The following ZNG1F variants were observed in gnomAD, a reference collection of about 807,000 sequenced individuals.
ZNG1F encodes the protein zinc-regulated GTPase metalloprotein activator 1F.
At chr9:41,131,608 G>A in the ZNG1F span, 2 of 59,552 alleles carry the variant, frequency 3.4e-5, no homozygotes, top group South Asian at 1.2e-4. Flanking sequence ...TATGTATGCT[G>A]TAAAACAAAT....
chr9:41,145,438 T>C, the ZNG1F span: 7 of 385,606 alleles, frequency 1.8e-5, no homozygotes, highest in Non-Finnish European at 3.3e-5. Flanking sequence ...TAACTGACTA[T>C]TCTAATATTC....
chr9:41,201,239 T>A, the ZNG1F span, among the ~76,000 whole-genome samples: 2 of 147,048 alleles, frequency 1.4e-5, no homozygotes, highest in African/African-American at 5.0e-5. Context: ...TATATTAATA[T>A]GTGCTCATAT....
chr9:41,199,912 G>C, the ZNG1F span, among the ~76,000 whole-genome samples: 1 of 144,458 alleles, frequency 6.9e-6, no homozygotes, highest in Admixed American at 7.0e-5. Context: ...TCATGGCTGG[G>C]ATGCAGGGTA....
the ZNG1F span, chr9:41,145,985 G>C: frequency 2.4e-5 from 3 of 126,266 alleles, no homozygotes; most frequent in Non-Finnish European, 5.1e-5. Context: ...GACAGGACGG[G>C]AGGGGGAAAG....
At chr9:41,201,391 G>A in the ZNG1F span, among the ~76,000 whole-genome samples, 5 of 137,860 alleles carry the variant, frequency 3.6e-5, no homozygotes, top group African/African-American at 1.3e-4. Flanking sequence ...TGGGGGAAGA[G>A]GAGCAATGTT....
chr9:41,194,035 C>T, the ZNG1F span, among the ~76,000 whole-genome samples: 21,282 of 134,774 alleles, frequency 0.16, 1,924 homozygotes, highest in Middle Eastern at 0.24. Flanking sequence ...GATGTCAATG[C>T]CTAAAGTTTT....
At chr9:41,183,218 A>T in the ZNG1F span, among the ~76,000 whole-genome samples, 12 of 142,846 alleles carry the variant, frequency 8.4e-5, no homozygotes, top group South Asian at 4.4e-4. Flanking sequence ...TTTGATAGTC[A>T]TTTTTTTTTT....
At chr9:41,174,265 G>GAAA in the ZNG1F span, 1 of 1,227,580 alleles carries the variant, frequency 8.1e-7, no homozygotes, top group African/African-American at 1.8e-5. Context: ...AAACAAGAAA[G>GAAA]ATAAAAGAAA....
chr9:41,201,359 G>C, the ZNG1F span, among the ~76,000 whole-genome samples: 2 of 102,818 alleles, frequency 1.9e-5, no homozygotes, highest in African/African-American at 6.6e-5. Context: ...ACCTCAGGGA[G>C]TACTGTAGAT....
the ZNG1F span, among the ~76,000 whole-genome samples, chr9:41,185,778 GA>G: frequency 8.5e-6 from 1 of 117,386 alleles, no homozygotes; most frequent in Admixed American, 8.9e-5. Flanking sequence ...CTGTTAATAA[GA>G]ATTCCAAAGT....
the ZNG1F span, chr9:41,183,693 C>A: frequency 6.2e-7 from 1 of 1,606,452 alleles, no homozygotes; most frequent in South Asian, 1.1e-5. Context: ...AATAAACAAA[C>A]TCTTTAGCTT....
the ZNG1F span, among the ~76,000 whole-genome samples, chr9:41,204,420 ATC>A: frequency 5.3e-4 from 7 of 13,234 alleles, 2 homozygotes; most frequent in Non-Finnish European, 9.1e-4. Context: ...ATATATATAT[ATC>A]TGTATAACCA....
the ZNG1F span, chr9:41,177,773 T>C: frequency 5.3e-5 from 5 of 94,810 alleles, no homozygotes; most frequent in African/African-American, 2.4e-4. Context: ...CTTCAAGTAA[T>C]ATAAAAACAA....
the ZNG1F span, among the ~76,000 whole-genome samples, chr9:41,187,512 T>C: frequency 6.8e-6 from 1 of 146,116 alleles, no homozygotes; most frequent in Non-Finnish European, 1.5e-5. Flanking sequence ...GTCCTTGTAA[T>C]TCATGTTAAG....
chr9:41,155,990 A>G, the ZNG1F span, among the ~76,000 whole-genome samples: 3 of 125,140 alleles, frequency 2.4e-5, no homozygotes, highest in Non-Finnish European at 3.4e-5. Context: ...TAATAAATAA[A>G]TAAATTTAAA....
At chr9:41,182,685 CATA>C in the ZNG1F span, among the ~76,000 whole-genome samples, 1 of 3,650 alleles carries the variant, frequency 2.7e-4, no homozygotes, top group Admixed American at 3.2e-3. Context: ...AAATCATATA[CATA>C]ATAATACTTT....
At chr9:41,152,220 G>C in the ZNG1F span, among the ~76,000 whole-genome samples, 1 of 137,468 alleles carries the variant, frequency 7.3e-6, no homozygotes, top group Non-Finnish European at 1.6e-5. Context: ...TGATAAAACA[G>C]ACTTTCAACC....
chr9:41,140,976 C>A, the ZNG1F span, among the ~76,000 whole-genome samples: 3 of 151,380 alleles, frequency 2.0e-5, no homozygotes, highest in South Asian at 6.3e-4. Context: ...AATCCACCCA[C>A]CTTGGCCTGT....
At chr9:41,182,991 G>T in the ZNG1F span, among the ~76,000 whole-genome samples, 3 of 43,876 alleles carry the variant, frequency 6.8e-5, no homozygotes, top group African/African-American at 2.9e-4. Flanking sequence ...CAAAACATTT[G>T]ACACAAAGTC....
Sources: gnomAD v4.1 joint callset for allele counts (sites outside exome capture counted in the v4.1 genomes callset) on GRCh38, gnomAD v4.1.1 for gene constraint, MANE v1.5 for transcripts, NCBI Gene and HGNC (gene_info 2026-07-23, HGNC 2026-07-21) for gene names.